Variants in CLVS1 observed in about 807,000 individuals in gnomAD.
The protein encoded by CLVS1 is clavesin-1.
A neutral mutation model predicts 33.1 loss-of-function variants in CLVS1; 10 were observed. The observed-to-expected ratio is 0.30, with a 90% CI of 0.19 to 0.51. CLVS1 has a LOEUF of 0.51. Ranked by LOEUF, CLVS1 falls within the 20% of genes least tolerant of loss-of-function variation. CLVS1 has a pLI of 0.97. For missense variants in CLVS1, 343 were observed against 433.4 expected, an observed-to-expected ratio of 0.79 and a Z score of 1.85; for synonymous variants, 163 against 166.1, an observed-to-expected ratio of 0.98 and a Z score of 0.14.
intron 2 of CLVS1, among the ~76,000 whole-genome samples, chr8:61,142,353 C>A (rs774524462): frequency 6.6e-6 from 1 of 152,176 alleles, no homozygotes; most frequent in African/African-American, 2.4e-5. Context: ...CCTCCCCAGC[C>A]ATGTGGAACT....
intron 3 of CLVS1, among the ~76,000 whole-genome samples, chr8:61,413,525 A>T (rs935447158): frequency 4.6e-5 from 7 of 152,198 alleles, no homozygotes; most frequent in African/African-American, 1.7e-4. Context: ...GATGGACACG[A>T]TCGTCCCCTT....
chr8:61,376,931 G>T, intron 3 of CLVS1, 152 bp downstream of exon 3: 1 of 591,508 alleles, frequency 1.7e-6, no homozygotes, highest in African/African-American at 1.9e-5. Context: ...CTCAGCCAGA[G>T]TTTTAGATGC....
intron 3 of CLVS1, among the ~76,000 whole-genome samples, chr8:61,451,808 C>CAGAG (rs1394837715): frequency 7.6e-6 from 1 of 132,220 alleles, no homozygotes; most frequent in South Asian, 2.2e-4. Flanking sequence ...AACACACACA[C>CAGAG]ACACAGAGAG....
At chr8:61,264,610 T>G (rs964240695) in intron 2 of CLVS1, 3 of 152,202 alleles carry the variant, frequency 2.0e-5, no homozygotes, top group Non-Finnish European at 4.4e-5. Flanking sequence ...ATTCAAAGAT[T>G]TTTTGAATTG....
chr8:61,275,412 C>A (rs954315207), intron 2 of CLVS1, among the ~76,000 whole-genome samples: 1 of 152,180 alleles, frequency 6.6e-6, no homozygotes, highest in African/African-American at 2.4e-5. Flanking sequence ...ATATGTTTCA[C>A]ACACAGTTTA....
intron 1 of CLVS1, among the ~76,000 whole-genome samples, chr8:61,075,221 G>T (rs572236352): frequency 1.3e-5 from 2 of 152,144 alleles, no homozygotes; most frequent in East Asian, 3.9e-4. Context: ...CTATTTTCAC[G>T]TAGCAGTCAG....
the CLVS1 span, among the ~76,000 whole-genome samples, chr8:60,984,783 T>C: frequency 5.9e-5 from 9 of 152,222 alleles, no homozygotes; most frequent in African/African-American, 2.2e-4. Context: ...GCTATTTTTA[T>C]TTTCTTCTTG....
At chr8:61,324,174 C>T (rs1811293617) in intron 2 of CLVS1, among the ~76,000 whole-genome samples, 1 of 151,968 alleles carries the variant, frequency 6.6e-6, no homozygotes, top group Non-Finnish European at 1.5e-5. Flanking sequence ...GGCACTGTGT[C>T]CCCACCCAAA....
intron 3 of CLVS1, among the ~76,000 whole-genome samples, chr8:61,433,815 G>T (rs1032621319): frequency 3.3e-5 from 5 of 152,154 alleles, no homozygotes; most frequent in Non-Finnish European, 7.3e-5. Flanking sequence ...CTGGGAGGCC[G>T]AGGCAGGAGA....
At position 61,232,041 on chromosome 8, in the gene CLVS1, T is replaced by TTTTTTGTTTTG. The variant is rs1808454433; in HGVS notation, c.-151-67631_-151-67630insGTTTTGTTTTT. On this transcript the variant is annotated intron_variant, in intron 2 of 2. Transcript: ENST00000522621. ...AGTTGTGGTTTTTTTTTTTTTTTTTTTTTTTTTTTGTGAGATGGAGTCTCG... is the reference window on the plus strand; with the variant it reads ...AGTTGTGGTTTTTTTTTTTTTTTTTTTTTTTGTTTTGTTTTTTTTTGTGAGATGGAGTCTCG... Among the ~76,000 whole-genome samples, 35 of 116,016 alleles carry TTTTTTGTTTTG rather than the reference T, an allele frequency of 3.0e-4. 1 individual carries two copies. Among genetic ancestry groups the TTTTTTGTTTTG allele is most frequent in the African/African-American group, 1.6e-3 (33 of 20,992 alleles). The allele number at this position is 116,016 out of a possible 152,430, so 76.1% of individuals were successfully genotyped here. A position where few individuals can be genotyped will look rare whatever the true frequency, so the allele number is the denominator to read the frequency against.
At chr8:60,972,192 C>T in the CLVS1 span, among the ~76,000 whole-genome samples, 1 of 152,116 alleles carries the variant, frequency 6.6e-6, no homozygotes, top group Middle Eastern at 3.2e-3. Context: ...ACTTGGGCTT[C>T]TCACAGCATG....
intron 2 of CLVS1, among the ~76,000 whole-genome samples, chr8:61,302,575 A>G (rs778962377): frequency 2.6e-5 from 4 of 152,236 alleles, no homozygotes; most frequent in Admixed American, 2.0e-4. Flanking sequence ...TTTCTGAGAT[A>G]CACAATTCAT....
At chr8:60,981,879 G>A in the CLVS1 span, among the ~76,000 whole-genome samples, 4 of 152,234 alleles carry the variant, frequency 2.6e-5, no homozygotes, top group Non-Finnish European at 4.4e-5. Flanking sequence ...GAGGCGCGAC[G>A]AATTAGATGG....
intron 3 of CLVS1, among the ~76,000 whole-genome samples, chr8:61,387,466 C>CCAGTTCCTT (rs1554569711): frequency 9.1e-5 from 10 of 109,312 alleles, no homozygotes; most frequent in African/African-American, 3.2e-4. Flanking sequence ...TGTACAGTTC[C>CCAGTTCCTT]TTTTTTTTTT....
chr8:61,193,440 G>A (rs1472641412), intron 2 of CLVS1, among the ~76,000 whole-genome samples: 1 of 151,956 alleles, frequency 6.6e-6, no homozygotes, highest in Non-Finnish European at 1.5e-5. Context: ...AATGGGTGCA[G>A]CACACCAACA....
chr8:61,067,447 T>C (rs1804703481), intron 1 of CLVS1, among the ~76,000 whole-genome samples: 1 of 148,678 alleles, frequency 6.7e-6, no homozygotes, highest in Non-Finnish European at 1.5e-5. Flanking sequence ...TTATATATTA[T>C]TAGTTGATAT....
the CLVS1 span, among the ~76,000 whole-genome samples, chr8:61,019,673 T>C: frequency 6.6e-6 from 1 of 152,174 alleles, no homozygotes; most frequent in Non-Finnish European, 1.5e-5. Flanking sequence ...TTTGCTCCAC[T>C]AAAGCAAATC....
chr8:61,207,419 G>GCGGTGCATGGGCTCCAGGGATGTGCAA (rs1807878279), intron 2 of CLVS1, among the ~76,000 whole-genome samples: 2 of 42,864 alleles, frequency 4.7e-5, no homozygotes, highest in South Asian at 1.9e-3. Context: ...GTAAAGTGCA[G>GCGGTGCATGGGCTCCAGGGATGTGCAA]AGGTGCCTGG....
intron 2 of CLVS1, among the ~76,000 whole-genome samples, chr8:61,197,396 T>C (rs1227365066): frequency 6.6e-6 from 1 of 152,198 alleles, no homozygotes; most frequent in Non-Finnish European, 1.5e-5. Context: ...TTCTGTTCCA[T>C]TGGTCTATGT....
Sources: gnomAD v4.1 joint callset for allele counts (sites outside exome capture counted in the v4.1 genomes callset) on GRCh38, gnomAD v4.1.1 for gene constraint, MANE v1.5 for transcripts, NCBI Gene and HGNC (gene_info 2026-07-23, HGNC 2026-07-21) for gene names.